Variants in STK33 observed in about 807,000 individuals in gnomAD.
STK33 encodes the protein serine/threonine kinase 33.
STK33 carries 52 observed loss-of-function variants against 58.0 expected under a neutral mutation model. That is an observed-to-expected ratio of 0.90 (90% CI 0.72 to 1.13). The LOEUF is 1.13. Ranked by LOEUF, STK33 falls within the 50% of genes most tolerant of loss-of-function variation. The probability of loss-of-function intolerance (pLI) is 0.00; values close to 1 mark genes in which losing one functional copy is unlikely to be tolerated. For synonymous variants in STK33, 215 were observed against 200.1 expected, an observed-to-expected ratio of 1.07 and a Z score of -0.63; for missense variants, 630 against 604.2, an observed-to-expected ratio of 1.04 and a Z score of -0.45.
At chr11:8,404,878 C>T (rs143400961) in intron 15 of STK33, among the ~76,000 whole-genome samples, 9 of 152,318 alleles carry the variant, frequency 5.9e-5, no homozygotes, top group South Asian at 2.1e-4. Context: ...CGGTGGCTCA[C>T]GCCTGTAATC....
chr11:8,461,338 G>T (rs763812449), intron 8 of STK33, among the ~76,000 whole-genome samples: 11 of 152,060 alleles, frequency 7.2e-5, no homozygotes, highest in Non-Finnish European at 1.6e-4. Flanking sequence ...AGCATCTAGG[G>T]AAATATGAAG....
At chr11:8,563,766 A>G (rs540226358) in intron 1 of STK33, among the ~76,000 whole-genome samples, 55 of 152,302 alleles carry the variant, frequency 3.6e-4, no homozygotes, top group Non-Finnish European at 7.4e-4. Context: ...AATAATTACA[A>G]GAGGTATGAC....
chr11:8,533,673 C>T (rs1954729078), intron 1 of STK33, among the ~76,000 whole-genome samples: 1 of 152,112 alleles, frequency 6.6e-6, no homozygotes, highest in Non-Finnish European at 1.5e-5. Context: ...AACAAAAAGC[C>T]AGTCTTCCAA....
intron 1 of STK33, among the ~76,000 whole-genome samples, chr11:8,532,521 A>G (rs1954634371): frequency 6.6e-6 from 1 of 152,154 alleles, no homozygotes; most frequent in East Asian, 1.9e-4. Context: ...ACCTCATTAT[A>G]TTTTCCCTTT....
Position 8,588,995 on chromosome 11 carries a change from C to A in STK33, c.-466+5088G>T, listed in dbSNP as rs149416433. 1.9e-3 allele frequency among the ~76,000 whole-genome samples: 284 copies of A among 152,224 alleles called. 1 individual carries two copies. Among genetic ancestry groups the A allele is most frequent in the Non-Finnish European group, 3.4e-3 (233 of 68,008 alleles). ...TACCACTTCACACATACTAGGATGG[C>A]TATACTCAAAAAGACAGTAACAAGT... is the stretch of plus-strand genomic sequence containing the variant. On this transcript the variant is annotated intron_variant, in intron 1 of 15. Coordinates refer to ENST00000687296, the MANE Select transcript of STK33 (RefSeq NM_001352389.2).
chr11:8,364,974 G>GCTCACA, the STK33 span, among the ~76,000 whole-genome samples: 1 of 151,050 alleles, frequency 6.6e-6, no homozygotes, highest in African/African-American at 2.4e-5. Flanking sequence ...CACAAAGCTG[G>GCTCACA]GAGCCTCTGA....
At chr11:8,413,344 A>T in intron 15 of STK33, 151 bp downstream of exon 15, 1 of 843,574 alleles carries the variant, frequency 1.2e-6, no homozygotes, top group Non-Finnish European at 1.9e-6. Flanking sequence ...AAATCATGCT[A>T]GCCTTATAAG....
intron 8 of STK33, among the ~76,000 whole-genome samples, chr11:8,460,690 A>AG (rs1947412402): frequency 6.8e-6 from 1 of 147,634 alleles, no homozygotes; most frequent in African/African-American, 2.6e-5. Flanking sequence ...CCCCGAACAC[A>AG]AAAAAAAACA....
chr11:8,471,045 G>A (rs1948727768), intron 6 of STK33, among the ~76,000 whole-genome samples: 1 of 152,176 alleles, frequency 6.6e-6, no homozygotes, highest in Non-Finnish European at 1.5e-5. Context: ...GATCTGCAGA[G>A]TGCAATAAAT....
At chr11:8,528,960 T>C (rs1954288684) in intron 1 of STK33, among the ~76,000 whole-genome samples, 1 of 152,262 alleles carries the variant, frequency 6.6e-6, no homozygotes, top group South Asian at 2.1e-4. Flanking sequence ...TGAGTATTAC[T>C]AGTGTTATCA....
the STK33 span, among the ~76,000 whole-genome samples, chr11:8,372,784 A>G: frequency 6.6e-6 from 1 of 152,202 alleles, no homozygotes; most frequent in African/African-American, 2.4e-5. Context: ...GTCTTTCTGC[A>G]GACTGAGTTC....
At chr11:8,478,726 G>A (rs1949514698) in intron 2 of STK33, among the ~76,000 whole-genome samples, 1 of 151,324 alleles carries the variant, frequency 6.6e-6, no homozygotes, top group Admixed American at 6.6e-5. Flanking sequence ...CAGTCAAAAT[G>A]TGTTTTATTC....
chr11:8,384,388 T>TA, the STK33 span, among the ~76,000 whole-genome samples: 1,730 of 152,266 alleles, frequency 0.011, 35 homozygotes, highest in African/African-American at 0.04. Context: ...TAGCAGACCG[T>TA]GAAAGGGAAA....
chr11:8,538,564 T>C (rs1001700612), intron 1 of STK33, among the ~76,000 whole-genome samples: 5 of 152,202 alleles, frequency 3.3e-5, no homozygotes, highest in African/African-American at 1.2e-4. Flanking sequence ...ATCATAGGTA[T>C]TATAAAAGAT....
chr11:8,399,461 C>G (rs888998485), intron 15 of STK33, among the ~76,000 whole-genome samples: 7 of 152,116 alleles, frequency 4.6e-5, no homozygotes, highest in African/African-American at 1.7e-4. Context: ...GGGACGCATT[C>G]AAAGCAGTGT....
At chr11:8,425,969 T>TG (rs1320528386) in intron 14 of STK33, among the ~76,000 whole-genome samples, 2 of 151,980 alleles carry the variant, frequency 1.3e-5, no homozygotes, top group Non-Finnish European at 2.9e-5. Context: ...GAAGCCCCAG[T>TG]GGGTGTGTGT....
chr11:8,536,568 C>T lies in STK33; in HGVS notation c.-465-55954G>A, dbSNP rs569281482. ...ACCATTATGTGCTCATGATGTAATACAATAGGAAATACAAAGCACCAGCTA... is the reference window on the plus strand; with the variant it reads ...ACCATTATGTGCTCATGATGTAATATAATAGGAAATACAAAGCACCAGCTA... On this transcript the variant is annotated intron_variant, in intron 1 of 15. Transcript: ENST00000687296. Among the ~76,000 whole-genome samples the T allele has an allele frequency of 1.6e-4, 25 of 152,120 alleles. 1 individual carries two copies. In the South Asian group the frequency reaches 5.0e-3, roughly 30 times the overall value.
the STK33 span, among the ~76,000 whole-genome samples, chr11:8,384,333 C>T: frequency 2.2e-4 from 34 of 152,292 alleles, 1 homozygote; most frequent in South Asian, 6.8e-3. Context: ...TGGAGGGCAC[C>T]ATGGTCTTGC....
chr11:8,419,644 T>C (rs1293744451), intron 14 of STK33, among the ~76,000 whole-genome samples: 2 of 152,342 alleles, frequency 1.3e-5, no homozygotes, highest in Middle Eastern at 3.4e-3. Context: ...TTGATAGGCA[T>C]AGCAGTGAAT....
Sources: allele counts gnomAD v4.1 joint callset (sites outside exome capture counted in the v4.1 genomes callset), GRCh38; gene constraint gnomAD v4.1.1; transcripts MANE v1.5; gene names NCBI Gene and HGNC (gene_info 2026-07-23, HGNC 2026-07-21).